The following SNX29 variants were observed in gnomAD, a reference collection of about 807,000 sequenced individuals.
SNX29 encodes sorting nexin-29.
Under a neutral mutation model 102.1 loss-of-function variants are expected in SNX29, and 78 were observed. That is an observed-to-expected ratio of 0.76 (90% CI 0.64 to 0.92). The LOEUF is 0.92. Among genes scored for constraint, SNX29 ranks in the 40% least tolerant of loss-of-function variants. The pLI is 0.00. For synonymous variants in SNX29, 580 were observed against 414.5 expected (o/e 1.40, Z -4.85); for missense variants, 1,280 against 1,061.7 (o/e 1.21, Z -2.86).
At chr16:12,097,473 T>C (rs2052816115) in intron 11 of SNX29, among the ~76,000 whole-genome samples, 1 of 152,242 alleles carries the variant, frequency 6.6e-6, no homozygotes, top group Admixed American at 6.5e-5. Context: ...CTGTGGTTAA[T>C]GATCCAGGCT....
At chr16:12,193,697 T>G (rs957872228) in intron 13 of SNX29, among the ~76,000 whole-genome samples, 2 of 152,186 alleles carry the variant, frequency 1.3e-5, no homozygotes, top group African/African-American at 4.8e-5. Flanking sequence ...TGGTTGAAGT[T>G]TATTTTTTTT....
intron 15 of SNX29, among the ~76,000 whole-genome samples, chr16:12,338,431 C>T (rs997003751): frequency 2.0e-4 from 31 of 152,284 alleles, no homozygotes; most frequent in African/African-American, 7.0e-4. Flanking sequence ...GAGGTATTCC[C>T]GGGAACAAGG....
intron 16 of SNX29, among the ~76,000 whole-genome samples, 175 bp from the exon 17 acceptor site, chr16:12,398,271 C>G (rs903882767): frequency 1.3e-5 from 2 of 152,188 alleles, no homozygotes; most frequent in African/African-American, 4.8e-5. Context: ...CTGCAACATC[C>G]TCTCCAACCA....
chr16:12,025,467 G>C (rs994327331), intron 3 of SNX29, among the ~76,000 whole-genome samples: 1 of 152,124 alleles, frequency 6.6e-6, no homozygotes, highest in African/African-American at 2.4e-5. Flanking sequence ...CTACCCACTG[G>C]AAAAAGATTT....
intron 20 of SNX29, among the ~76,000 whole-genome samples, chr16:12,540,060 A>G (rs928974828): frequency 6.6e-6 from 1 of 152,178 alleles, no homozygotes; most frequent in Non-Finnish European, 1.5e-5. Context: ...GTCCCAGATC[A>G]TGCTTTTGGT....
intron 18 of SNX29, among the ~76,000 whole-genome samples, chr16:12,420,847 G>A (rs547462468): frequency 2.6e-5 from 4 of 152,278 alleles, no homozygotes; most frequent in South Asian, 4.1e-4. Flanking sequence ...CCCCATGTCC[G>A]CCCTGGGGGA....
chr16:11,987,037 C>G (rs2055656266), intron 1 of SNX29, among the ~76,000 whole-genome samples: 1 of 152,124 alleles, frequency 6.6e-6, no homozygotes, highest in South Asian at 2.1e-4. Context: ...ATTTAACTCC[C>G]TATTGAAGAA....
intron 20 of SNX29, among the ~76,000 whole-genome samples, chr16:12,535,910 A>C (rs1437770700): frequency 6.6e-6 from 1 of 152,142 alleles, no homozygotes; most frequent in East Asian, 1.9e-4. Context: ...AGGTTAATTG[A>C]AGAAAGGGCT....
At chr16:12,322,420 G>T (rs1194491120) in intron 15 of SNX29, among the ~76,000 whole-genome samples, 1 of 152,168 alleles carries the variant, frequency 6.6e-6, no homozygotes, top group Admixed American at 6.5e-5. Flanking sequence ...AAAGTACAGA[G>T]TCTAGTCCTG....
intron 19 of SNX29, among the ~76,000 whole-genome samples, chr16:12,502,226 C>T (rs2089159974): frequency 6.6e-6 from 1 of 152,058 alleles, no homozygotes; most frequent in African/African-American, 2.4e-5. Flanking sequence ...CAGTGAGGGG[C>T]GGTGGAGGAG....
rs1014901441 is a variant in SNX29 at position 12,027,678 on chromosome 16, T to A, written c.247+234T>A. 46 of 387,152 alleles carry A rather than the reference T, an allele frequency of 1.2e-4. 1 individual carries two copies. The highest frequency in any genetic ancestry group is 9.3e-4 in the African/African-American group (44 of 47,566). 24.0% of individuals were successfully genotyped at this position (387,152 alleles called of 1,614,324 possible). ...ATTCTCAGAGCCACATGGTACAGTC[T>A]CCTCTGGGTTCGGGGACCTGTAGCA... is the stretch of plus-strand genomic sequence containing the variant. On this transcript the variant is annotated intron_variant, in intron 4 of 20. Coordinates refer to ENST00000566228, the MANE Select transcript of SNX29 (RefSeq NM_032167.5).
At chr16:12,043,229 G>A (rs918848568) in intron 5 of SNX29, 152 bp downstream of exon 5, 6 of 1,020,516 alleles carry the variant, frequency 5.9e-6, no homozygotes, top group Non-Finnish European at 8.6e-6. Flanking sequence ...GCTGAGCTGT[G>A]GAGAAACTTG....
rs142821139 is a variant in SNX29 at position 12,501,998 on chromosome 16, C to T, written c.2179-22704C>T. On this transcript the variant is annotated intron_variant, in intron 19 of 20. Coordinates refer to ENST00000566228, the MANE Select transcript of SNX29 (RefSeq NM_032167.5). Reference sequence around the variant, plus strand: ...CACTAGTTATAGGGTCAGGGACCTTCTCTCTCTGACTCATGCAGGTTTTAC... The same window carrying T: ...CACTAGTTATAGGGTCAGGGACCTTTTCTCTCTGACTCATGCAGGTTTTAC... Among the ~76,000 whole-genome samples, 960 of 152,254 alleles carry T rather than the reference C, an allele frequency of 6.3e-3. 7 individuals are homozygous for T. Among genetic ancestry groups the T allele is most frequent in the South Asian group, 0.022 (108 of 4,812 alleles).
chr16:12,100,143 G>A (rs1311765447), intron 11 of SNX29, among the ~76,000 whole-genome samples: 1 of 152,132 alleles, frequency 6.6e-6, no homozygotes, highest in Non-Finnish European at 1.5e-5. Flanking sequence ...AATACCTTCT[G>A]GCTTTTCATC....
chr16:12,569,357 C>T lies in SNX29; in HGVS notation c.*728C>T, dbSNP rs1175583123. ...TGAGGCCACCTAGGCCCTCGCCAGG[C>T]TTGGAGTGGGGGGACTCAGACATCT... is the stretch of plus-strand genomic sequence containing the variant. On this transcript the variant is annotated 3_prime_UTR_variant, in exon 21 of 21. Coordinates refer to ENST00000566228, the MANE Select transcript of SNX29 (RefSeq NM_032167.5). 4.3e-6 allele frequency: 1 copy of T among 230,180 alleles called. No homozygotes were observed. Among genetic ancestry groups the T allele is most frequent in the Non-Finnish European group, 8.6e-6 (1 of 116,158 alleles). 14.3% of individuals were successfully genotyped at this position (230,180 alleles called of 1,614,324 possible).
intron 19 of SNX29, among the ~76,000 whole-genome samples, chr16:12,486,219 C>G (rs1480469248): frequency 6.6e-6 from 1 of 152,188 alleles, no homozygotes; most frequent in Admixed American, 6.5e-5. Flanking sequence ...TTCCCCCGAT[C>G]ACAGCAGGGA....
chr16:12,567,252 T>TC (rs1192011568), intron 20 of SNX29, among the ~76,000 whole-genome samples: 2 of 152,208 alleles, frequency 1.3e-5, no homozygotes, highest in Non-Finnish European at 2.9e-5. Context: ...CACAGTCCTG[T>TC]CTTCCCTTGT....
chr16:12,562,326 C>T (rs147352584), intron 20 of SNX29, among the ~76,000 whole-genome samples: 28 of 152,330 alleles, frequency 1.8e-4, no homozygotes, highest in East Asian at 1.5e-3. Flanking sequence ...CAAGAACCTG[C>T]AGGGCAGATT....
chr16:12,370,935 C>G (rs911662671), intron 16 of SNX29, among the ~76,000 whole-genome samples: 1 of 152,222 alleles, frequency 6.6e-6, no homozygotes. Flanking sequence ...ACCTGTTCTT[C>G]TGGAAATAAC....
Sources: allele counts gnomAD v4.1 joint callset (sites outside exome capture counted in the v4.1 genomes callset), GRCh38; gene constraint gnomAD v4.1.1; transcripts MANE v1.5; gene names NCBI Gene and HGNC (gene_info 2026-07-23, HGNC 2026-07-21).